EFCAB8: variants seen among roughly 807,000 people sequenced by gnomAD.
EFCAB8 encodes EF-hand calcium-binding domain-containing protein 8.
In EFCAB8, 100 loss-of-function variants were observed where a neutral mutation model predicts 116.3. The observed-to-expected ratio is 0.86, with a 90% CI of 0.73 to 1.02. The LOEUF (loss-of-function observed/expected upper bound fraction) is 1.02. Ranked by LOEUF, EFCAB8 falls within the 50% of genes least tolerant of loss-of-function variation. The probability of loss-of-function intolerance (pLI) is 0.00; values close to 1 mark genes in which losing one functional copy is unlikely to be tolerated. For synonymous variants in EFCAB8, 558 were observed against 567.9 expected (o/e 0.98, Z 0.25); for missense variants, 1,320 against 1,416.9 (o/e 0.93, Z 1.10).
intron 23 of EFCAB8, among the ~76,000 whole-genome samples, chr20:32,954,026 G>A (rs1034003173): frequency 2.0e-5 from 3 of 151,980 alleles, no homozygotes; most frequent in Non-Finnish European, 2.9e-5. Context: ...GGCTGGTCTC[G>A]AACTGCAGGC....
At chr20:32,946,397 T>C (rs114995005) in intron 23 of EFCAB8, among the ~76,000 whole-genome samples, 2,739 of 152,294 alleles carry the variant, frequency 0.018, 78 homozygotes, top group African/African-American at 0.063. Context: ...CAGCTGGTTT[T>C]TTGTTTTTTG....
chr20:32,883,819 T>C (rs1253362792), intron 5 of EFCAB8, among the ~76,000 whole-genome samples: 4 of 152,050 alleles, frequency 2.6e-5, no homozygotes, highest in African/African-American at 7.2e-5. Context: ...GCCTCCTGAG[T>C]AGCTGGGACT....
chr20:32,895,976 T>C (rs1396994762), intron 9 of EFCAB8, among the ~76,000 whole-genome samples: 2 of 152,194 alleles, frequency 1.3e-5, no homozygotes, highest in African/African-American at 4.8e-5. Context: ...GACATGCTTA[T>C]TTTATGATGC....
intron 20 of EFCAB8, among the ~76,000 whole-genome samples, chr20:32,923,647 T>C (rs976304203): frequency 1.3e-5 from 2 of 152,202 alleles, no homozygotes; most frequent in Non-Finnish European, 2.9e-5. Context: ...AGTACATACA[T>C]GTATGAATGT....
chr20:32,859,986 C>A (rs953173363), intron 1 of EFCAB8, among the ~76,000 whole-genome samples: 1 of 152,116 alleles, frequency 6.6e-6, no homozygotes. Context: ...TCTAACAGTT[C>A]CTTAGCCTTT....
At chr20:32,887,405 G>A (rs1401507091) in intron 6 of EFCAB8, among the ~76,000 whole-genome samples, 4 of 152,096 alleles carry the variant, frequency 2.6e-5, no homozygotes, top group Admixed American at 6.5e-5. Context: ...GTGAAACCCC[G>A]TCTCTACTGA....
At chr20:32,920,715 A>G (rs1223131057) in intron 20 of EFCAB8, among the ~76,000 whole-genome samples, 4 of 152,078 alleles carry the variant, frequency 2.6e-5, no homozygotes, top group African/African-American at 9.7e-5. Context: ...ATTCTGGGAG[A>G]TACCATTCAA....
At chr20:32,896,132 T>G (rs1312605359) in intron 9 of EFCAB8, among the ~76,000 whole-genome samples, 1 of 152,220 alleles carries the variant, frequency 6.6e-6, no homozygotes, top group African/African-American at 2.4e-5. Context: ...CCAGCAAAGA[T>G]GGAGCTCCCT....
At chr20:32,943,566 C>T in intron 22 of EFCAB8, 70 bp from the exon 23 acceptor site, 1 of 416,296 alleles carries the variant, frequency 2.4e-6, no homozygotes, top group Non-Finnish European at 4.4e-6. Context: ...TGCCTGCAGT[C>T]CTGGGTGCCT....
intron 23 of EFCAB8, among the ~76,000 whole-genome samples, chr20:32,951,156 A>G (rs567001745): frequency 6.6e-6 from 1 of 152,354 alleles, no homozygotes; most frequent in South Asian, 2.1e-4. Context: ...TTAAAAAGTT[A>G]AATGTGCCCC....
At chr20:32,871,958 C>A (rs527378715) in intron 3 of EFCAB8, among the ~76,000 whole-genome samples, 1 of 152,284 alleles carries the variant, frequency 6.6e-6, no homozygotes, top group South Asian at 2.1e-4. Flanking sequence ...TGGAAGGAGG[C>A]CGCAGGGCTC....
intron 10 of EFCAB8, among the ~76,000 whole-genome samples, chr20:32,897,379 A>T (rs1568916679): frequency 6.6e-6 from 1 of 151,760 alleles, no homozygotes; most frequent in Non-Finnish European, 1.5e-5. Context: ...TTTGCTGCAC[A>T]AATGAATGAA....
chr20:32,931,234 T>G lies in EFCAB8; in HGVS notation c.2688T>G (p.Ser896Arg). 1 of 1,551,060 alleles carries G rather than the reference T, an allele frequency of 6.4e-7. No individual in the cohort carries two copies. The highest frequency in any genetic ancestry group is 8.7e-7 in the Non-Finnish European group (1 of 1,146,772). Reference sequence around the variant, plus strand: ...TTGATAAACAGCCATTCCAATCCAGTGGGGCCAAGGTTGTCTCTGAAGCAC... The same window carrying G: ...TTGATAAACAGCCATTCCAATCCAGGGGGGCCAAGGTTGTCTCTGAAGCAC... The part of the protein sequence containing the change: ...ALIDKQPFQS[S>R]GAKVVSEAHN... Residue 896 changes from serine to arginine, a missense_variant, in exon 22 of 27, where the codon AGT becomes AGG. By Grantham distance (110) the Ser-to-Arg change is moderately radical. Coordinates refer to ENST00000400522, the MANE Select transcript of EFCAB8 (RefSeq NM_001143967.2).
At chr20:32,946,407 GTTT>G (rs551171092) in intron 23 of EFCAB8, among the ~76,000 whole-genome samples, 1 of 151,994 alleles carries the variant, frequency 6.6e-6, no homozygotes, top group Non-Finnish European at 1.5e-5. Context: ...TTTGTTTTTT[GTTT>G]TTTTGGTTTT....
chr20:32,885,442 G>T (rs541662952), intron 5 of EFCAB8, 63 bp from the exon 6 acceptor site: 3 of 1,540,116 alleles, frequency 1.9e-6, no homozygotes, highest in East Asian at 2.4e-5. Context: ...CTGTTCTGCC[G>T]CAGGTGCCCC....
chr20:32,868,625 G>A (rs1260645725), intron 3 of EFCAB8, among the ~76,000 whole-genome samples: 1 of 152,114 alleles, frequency 6.6e-6, no homozygotes, highest in Non-Finnish European at 1.5e-5. Context: ...CACAGTTCTG[G>A]TGGGGCAGGA....
At chr20:32,933,587 A>G (rs1364201120) in intron 22 of EFCAB8, among the ~76,000 whole-genome samples, 1 of 152,154 alleles carries the variant, frequency 6.6e-6, no homozygotes, top group African/African-American at 2.4e-5. Flanking sequence ...AAAACTTGGT[A>G]CCCCTTTGAC....
chr20:32,870,765 G>GCTTGTAATC (rs1984643582), intron 3 of EFCAB8, among the ~76,000 whole-genome samples: 1 of 152,116 alleles, frequency 6.6e-6, no homozygotes, highest in African/African-American at 2.4e-5. Flanking sequence ...GCCTCCCAAA[G>GCTTGTAATC]TGTTGGGATT....
In EFCAB8 at chr20:32,960,068, CAA is replaced by C. The variant is rs1190037642; in HGVS notation, c.3302_3303del (p.Lys1101SerfsTer7). 1.5e-5 allele frequency: 23 copies of C among 1,551,572 alleles called. No homozygotes were observed. Among genetic ancestry groups the C allele is most frequent in the Non-Finnish European group, 1.9e-5 (22 of 1,146,994 alleles). ...KWESRDKQVS[K>X]VLGAAYKPKE... ...CTTGGGCGTGGCTCCTGCAGGTGAG[CAA>C]AGTCTTGGGAGCGGCGTATAAGCCC... On this transcript the variant is annotated frameshift_variant, in exon 26 of 27. Coordinates refer to ENST00000400522, the MANE Select transcript of EFCAB8 (RefSeq NM_001143967.2). LOFTEE classifies it high-confidence loss of function.
Sources: gnomAD v4.1 joint callset for allele counts (sites outside exome capture counted in the v4.1 genomes callset) on GRCh38, gnomAD v4.1.1 for gene constraint, MANE v1.5 for transcripts, NCBI Gene and HGNC (gene_info 2026-07-23, HGNC 2026-07-21) for gene names.